FOXP2: variants seen among roughly 807,000 people sequenced by gnomAD.
FOXP2 encodes forkhead box P2.
A neutral mutation model predicts 115.8 loss-of-function variants in FOXP2; 12 were observed. The observed-to-expected ratio is 0.10, with a 90% CI of 0.07 to 0.17. The LOEUF (loss-of-function observed/expected upper bound fraction) is 0.17, where lower values mean the gene tolerates loss of function less well. Ranked by LOEUF, FOXP2 falls within the 10% of genes least tolerant of loss-of-function variation. The pLI, the probability that FOXP2 is intolerant of heterozygous loss-of-function variation, is 1.00. For synonymous variants in FOXP2, 328 were observed against 297.7 expected (o/e 1.10, Z -1.05); for missense variants, 629 against 843.5 (o/e 0.75, Z 3.15).
In FOXP2 at chr7:114,294,237, G is replaced by A. The variant is rs1044973517; in HGVS notation, c.-11+6128G>A. Among the ~76,000 whole-genome samples, 9 of 152,136 alleles carry A rather than the reference G, an allele frequency of 5.9e-5. 1 individual carries two copies. The highest frequency in any genetic ancestry group is 2.0e-4 in the Admixed American group (3 of 15,268). The stretch of plus-strand genomic sequence containing the variant: ...GAGAGTTGTGCTTACTCATGACTGC[G>A]TACGTCTGCATGCTGGTCTGATACT... On this transcript the variant is annotated intron_variant, in intron 2 of 17. Transcript: ENST00000634411.
intron 2 of FOXP2, 102 bp from the exon 3 acceptor site, chr7:114,534,508 AGGAATAT>A (rs1277364479): frequency 1.1e-6 from 1 of 901,288 alleles, no homozygotes. Context: ...CTCTCTAGAA[AGGAATAT>A]GGGAGTTCTT....
At chr7:114,123,619 T>C (rs927302232) in intron 1 of FOXP2, among the ~76,000 whole-genome samples, 1 of 152,114 alleles carries the variant, frequency 6.6e-6, no homozygotes, top group Non-Finnish European at 1.5e-5. Context: ...AGTAACTTGT[T>C]TGAACATAAT....
rs77418506 is a variant in FOXP2, at chr7:114,190,197, A to G, written c.-102+27109A>G. Among the ~76,000 whole-genome samples, 194 of 152,286 alleles carry G rather than the reference A, an allele frequency of 1.3e-3. 2 individuals carry two copies. Among genetic ancestry groups the G allele is most frequent in the African/African-American group, 4.3e-3 (180 of 41,546 alleles). ...AACTTGACTGGGCCAAGGGATGCCT[A>G]TATATCTGGTAGCACATTATGTCTG... On this transcript the variant is annotated intron_variant, in intron 1 of 17. Coordinates refer to the FOXP2 transcript ENST00000634411.
intron 2 of FOXP2, among the ~76,000 whole-genome samples, chr7:114,358,031 T>A (rs1341346657): frequency 6.6e-6 from 1 of 152,150 alleles, no homozygotes; most frequent in Non-Finnish European, 1.5e-5. Flanking sequence ...ACCACCCAAA[T>A]CTCATCTTGA....
intron 2 of FOXP2, among the ~76,000 whole-genome samples, chr7:114,318,618 C>G (rs1797333568): frequency 6.6e-6 from 1 of 151,626 alleles, no homozygotes; most frequent in Non-Finnish European, 1.5e-5. Flanking sequence ...AGTGCAGTTA[C>G]TCAAATACAT....
At chr7:114,201,042 G>T (rs922196604) in intron 1 of FOXP2, among the ~76,000 whole-genome samples, 1 of 151,982 alleles carries the variant, frequency 6.6e-6, no homozygotes, top group African/African-American at 2.4e-5. Flanking sequence ...TGTAATCCCA[G>T]CTATTCAGGA....
intron 16 of FOXP2, chr7:114,669,206 T>C (rs1259834950): frequency 1.3e-5 from 2 of 152,048 alleles, no homozygotes; most frequent in African/African-American, 4.8e-5. Flanking sequence ...TGTTGAAAGA[T>C]TGAAAACAAT....
At position 114,689,458 on chromosome 7, in the gene FOXP2, C is replaced by G. The variant is rs112881324; in HGVS notation, c.2004-324C>G. 4.3e-3 allele frequency among the ~76,000 whole-genome samples: 647 copies of G among 152,120 alleles called. 3 individuals carry two copies. The highest frequency in any genetic ancestry group is 0.013 in the African/African-American group (546 of 41,494). The stretch of plus-strand genomic sequence containing the variant: ...TTGATTAATTATTTGTTTACTATTC[C>G]TTTACTACCACTCCTTGATTATCAT... On this transcript the variant is annotated intron_variant, in intron 16 of 16. Coordinates refer to ENST00000350908, the MANE Select transcript of FOXP2 (RefSeq NM_014491.4).
At chr7:114,304,101 T>C (rs1442417653) in intron 2 of FOXP2, among the ~76,000 whole-genome samples, 1 of 152,158 alleles carries the variant, frequency 6.6e-6, no homozygotes, top group Non-Finnish European at 1.5e-5. Flanking sequence ...AAGTTCTTAC[T>C]ATAGGATTAT....
At chr7:114,547,811 A>G (rs1168676404) in intron 3 of FOXP2, among the ~76,000 whole-genome samples, 1 of 152,220 alleles carries the variant, frequency 6.6e-6, no homozygotes, top group Non-Finnish European at 1.5e-5. Flanking sequence ...GGGTTTCTCA[A>G]ATATCAAGAA....
chr7:114,688,658 C>T (rs1410933817), intron 16 of FOXP2, among the ~76,000 whole-genome samples: 1 of 152,136 alleles, frequency 6.6e-6, no homozygotes, highest in African/African-American at 2.4e-5. Context: ...TTGTGTGTGA[C>T]AGCATTATTA....
At chr7:114,519,652 C>T (rs1288129321) in intron 2 of FOXP2, among the ~76,000 whole-genome samples, 4 of 152,068 alleles carry the variant, frequency 2.6e-5, no homozygotes, top group Non-Finnish European at 2.9e-5. Flanking sequence ...CAAAATGTGT[C>T]CTCCATGAGA....
At chr7:114,168,581 G>A (rs2129152318) in intron 1 of FOXP2, among the ~76,000 whole-genome samples, 1 of 152,256 alleles carries the variant, frequency 6.6e-6, no homozygotes, top group African/African-American at 2.4e-5. Flanking sequence ...TCAATTTCAT[G>A]AGGGAAGCAG....
chr7:114,589,913 G>GT (rs201814105), intron 3 of FOXP2, among the ~76,000 whole-genome samples: 3,343 of 151,822 alleles, frequency 0.022, 56 homozygotes, highest in South Asian at 0.064. Context: ...TTTTGTTTTT[G>GT]TTTTTTTCCA....
chr7:114,198,827 A>C (rs553642793), intron 1 of FOXP2, among the ~76,000 whole-genome samples: 1 of 152,270 alleles, frequency 6.6e-6, no homozygotes, highest in South Asian at 2.1e-4. Context: ...GATTTTATGA[A>C]ATTGGGATCT....
chr7:114,614,544 GGTTTTGTCTCATTGTTAGGTGGACC>G (rs2129319859), intron 3 of FOXP2, among the ~76,000 whole-genome samples: 1 of 151,704 alleles, frequency 6.6e-6, no homozygotes, highest in East Asian at 1.9e-4. Flanking sequence ...ATGGACTCTG[GGTTTTGTCTCATTGTTAGGTGGACC>G]GCACCTCCTT....
chr7:114,330,364 G>A (rs1797672076), intron 2 of FOXP2, among the ~76,000 whole-genome samples: 1 of 151,668 alleles, frequency 6.6e-6, no homozygotes, highest in South Asian at 2.1e-4. Context: ...TGGGTACGGT[G>A]GCTCACGCCT....
intron 3 of FOXP2, among the ~76,000 whole-genome samples, chr7:114,581,075 G>GCACACA (rs3028257): frequency 0.12 from 17,878 of 144,632 alleles, 1,175 homozygotes; most frequent in Middle Eastern, 0.17. Context: ...ATAAACACAT[G>GCACACA]CACACACACA....
At chr7:114,545,365 G>T (rs1203422574) in intron 3 of FOXP2, among the ~76,000 whole-genome samples, 1 of 152,070 alleles carries the variant, frequency 6.6e-6, no homozygotes, top group Non-Finnish European at 1.5e-5. Context: ...TTCTGAGCAG[G>T]TTTCTTGAGA....
Sources: gnomAD v4.1 joint callset for allele counts (sites outside exome capture counted in the v4.1 genomes callset) on GRCh38, gnomAD v4.1.1 for gene constraint, MANE v1.5 for transcripts, NCBI Gene and HGNC (gene_info 2026-07-23, HGNC 2026-07-21) for gene names.